CHGA: variants seen among roughly 807,000 people sequenced by gnomAD.
The protein encoded by CHGA is chromogranin A.
Under a neutral mutation model 54.4 loss-of-function variants are expected in CHGA, and 41 were observed. The ratio of observed to expected loss-of-function variants is 0.75; its 90% confidence interval spans 0.59 to 0.98. The LOEUF (loss-of-function observed/expected upper bound fraction) is 0.98. Among genes scored for constraint, CHGA ranks in the 50% least tolerant of loss-of-function variants. CHGA has a pLI of 0.00. For missense variants in CHGA, 576 were observed against 582.3 expected (o/e 0.99, Z 0.11); for synonymous variants, 249 against 232.8 (o/e 1.07, Z -0.63).
rs9658669 is a variant in CHGA at position 92,932,736 on chromosome 14, G to C, written c.1175G>C (p.Arg392Pro). Reference sequence around the variant, plus strand: ...AGGGGCCCTGGGCCGCAGCTGCGACGAGGCTGGAGGCCATCCTCCCGGGAG... The same window carrying C: ...AGGGGCCCTGGGCCGCAGCTGCGACCAGGCTGGAGGCCATCCTCCCGGGAG... ...GFRGPGPQLRRGWRPSSREDS... is the reference protein window; with the variant it reads ...GFRGPGPQLRPGWRPSSREDS... The change falls in exon 7 of 8, where the codon CGA (arginine) becomes CCA (proline). Residue 392 changes from arginine (R) to proline (P), a missense_variant. Arg to Pro is a moderately radical substitution (Grantham distance 103). Transcript: ENST00000216492. This position sits in a 1 kb window ranked among gnomAD's most constrained non-coding sequence, Gnocchi z 5.3. 2 of 1,609,838 alleles carry C rather than the reference G, an allele frequency of 1.2e-6. No homozygotes were observed. Among genetic ancestry groups the C allele is most frequent in the East Asian group, 2.2e-5 (1 of 44,806 alleles).
chr14:92,932,963 G>A lies in CHGA; in HGVS notation c.1290+112G>A, dbSNP rs1257227300. 14 of 1,410,164 alleles carry A rather than the reference G, an allele frequency of 9.9e-6. No individual in the cohort carries two copies. Among genetic ancestry groups the A allele is most frequent in the Admixed American group, 2.9e-5 (1 of 34,366 alleles). 87.4% of individuals were successfully genotyped at this position (1,410,164 alleles called of 1,614,324 possible). A position where few individuals can be genotyped will look rare whatever the true frequency, so the allele number is the denominator to read the frequency against. On this transcript the variant is annotated intron_variant, in intron 7 of 7. Coordinates refer to ENST00000216492, the MANE Select transcript of CHGA (RefSeq NM_001275.4). This position sits in a 1 kb window ranked among gnomAD's most constrained non-coding sequence, Gnocchi z 5.3. Reference sequence around the variant, plus strand: ...GAGGGGACAGGGCCCCCCCGCCGAAGTCTGGGGATGGAGAGATGCTCAGAC... The same window carrying A: ...GAGGGGACAGGGCCCCCCCGCCGAAATCTGGGGATGGAGAGATGCTCAGAC...
At chr14:92,924,330 C>T (rs1031151550) in intron 2 of CHGA, 85 bp downstream of exon 2, 27 of 1,375,152 alleles carry the variant, frequency 2.0e-5, no homozygotes, top group South Asian at 1.6e-4. Flanking sequence ...GGAGTAAGTT[C>T]GGCATAAAGC....
rs1167075453 is a variant in CHGA, at chr14:92,932,379, A to C, written c.818A>C (p.Glu273Ala). 12 of 1,583,004 alleles carry C rather than the reference A, an allele frequency of 7.6e-6. No homozygotes were observed. Among genetic ancestry groups the C allele is most frequent in the Non-Finnish European group, 9.4e-6 (11 of 1,165,256 alleles). Residue 273 changes from glutamate (E) to alanine (A), a missense_variant, in exon 7 of 8, where the codon GAG (glutamate) becomes GCG (alanine). By Grantham distance (107) the Glu-to-Ala change is moderately radical (BLOSUM62 -1). Transcript: ENST00000216492. The surrounding 1 kb of genome is among the most constrained non-coding windows in gnomAD (Gnocchi z 5.3). Reference protein sequence around the residue: ...KEIRKGESRSEALAVDGAGKP... With the variant: ...KEIRKGESRSAALAVDGAGKP... ...CCACCACCTGCTCCAGGTCGGTCGG[A>C]GGCTCTGGCTGTGGATGGAGCTGGG...
At chr14:92,924,480 A>G (rs922118516) in intron 2 of CHGA, among the ~76,000 whole-genome samples, 1 of 152,206 alleles carries the variant, frequency 6.6e-6, no homozygotes, top group Non-Finnish European at 1.5e-5. Flanking sequence ...AGAGGCCTGC[A>G]TCTTACCTGC....
At chr14:92,926,525 T>C (rs954280276) in intron 2 of CHGA, 80 bp from the exon 3 acceptor site, 3 of 1,195,644 alleles carry the variant, frequency 2.5e-6, no homozygotes, top group Non-Finnish European at 3.7e-6. Context: ...CTGTCCTCAC[T>C]AGAAATTCAC....
chr14:92,929,670 G>C, intron 4 of CHGA, 47 bp from the exon 5 acceptor site: 1 of 1,550,558 alleles, frequency 6.4e-7, no homozygotes, highest in Non-Finnish European at 8.9e-7. Context: ...AGACAAATAT[G>C]CCACAGCTGC....
rs140821122 is a variant in CHGA, at chr14:92,931,309, G to T, written c.415G>T (p.Ala139Ser). 172 of 1,613,710 alleles carry T rather than the reference G, an allele frequency of 1.1e-4. 1 individual carries two copies. In the East Asian group the frequency reaches 3.2e-3, roughly 30 times the overall value. Residue 139 changes from alanine to serine, a missense_variant, in exon 6 of 8, where the codon GCA becomes TCA. Ala to Ser is a moderately conservative substitution (Grantham distance 99). Transcript: ENST00000216492. ...VMEKREDSKE[A>S]EKSGEATDGA... ...GGAGAAAAGAGAGGATTCCAAGGAG[G>T]CAGAGAAAAGTGGTGAAGCCACAGA...
chr14:92,932,650 G>T lies in CHGA; in HGVS notation c.1089G>T (p.Glu363Asp), dbSNP rs1566675656. 2 of 1,599,242 alleles carry T rather than the reference G, an allele frequency of 1.3e-6. No individual in the cohort carries two copies. The highest frequency in any genetic ancestry group is 2.3e-5 in the East Asian group (1 of 44,356). Reference sequence around the variant, plus strand: ...AGAAGCGGCTGGAGGGGCAGGAGGAGGAGGAGGACAACCGGGACAGTTCCA... The same window carrying T: ...AGAAGCGGCTGGAGGGGCAGGAGGATGAGGAGGACAACCGGGACAGTTCCA... ...TAEKRLEGQE[E>D]EEDNRDSSMK... The change falls in exon 7 of 8, where the codon GAG (glutamate) becomes GAT (aspartate). Residue 363 changes from glutamate to aspartate, a missense_variant. Glu to Asp is a conservative substitution (Grantham distance 45). Coordinates refer to ENST00000216492, the MANE Select transcript of CHGA (RefSeq NM_001275.4). The surrounding 1 kb of genome is among the most constrained non-coding windows in gnomAD (Gnocchi z 5.3).
At chr14:92,930,204 C>A (rs999447010) in intron 5 of CHGA, among the ~76,000 whole-genome samples, 1 of 152,216 alleles carries the variant, frequency 6.6e-6, no homozygotes, top group Admixed American at 6.5e-5. Flanking sequence ...CTCAGAATAG[C>A]CAGGATGCAG....
At position 92,931,387 on chromosome 14, in the gene CHGA, G is replaced by A. The variant is rs769762955; in HGVS notation, c.493G>A (p.Gly165Arg). Residue 165 changes from glycine to arginine, a missense_variant, in exon 6 of 8, where the codon GGG (glycine) becomes AGG (arginine). Gly to Arg is a moderately radical substitution (Grantham distance 125, BLOSUM62 -2). Coordinates refer to ENST00000216492, the MANE Select transcript of CHGA (RefSeq NM_001275.4). ...GCCCATGCAGGAGTCCAAGGCTGAG[G>A]GGAACAATCAGGCCCCTGGGGAGGA... ...PEPMQESKAEGNNQAPGEEEE... is the reference protein window; with the variant it reads ...PEPMQESKAERNNQAPGEEEE... 1.2e-6 allele frequency: 2 copies of A among 1,612,942 alleles called. No homozygotes were observed. Among genetic ancestry groups the A allele is most frequent in the South Asian group, 2.2e-5 (2 of 90,902 alleles).
chr14:92,927,721 CCTTTT>C, intron 4 of CHGA, 103 bp downstream of exon 4: 1 of 917,016 alleles, frequency 1.1e-6, no homozygotes, highest in East Asian at 2.5e-5. Context: ...ACTGTCATTT[CCTTTT>C]AATTATAAAG....
Position 92,935,106 on chromosome 14 carries a change from A to C in CHGA, c.*222A>C. 1 of 506,414 alleles carries C rather than the reference A, an allele frequency of 2.0e-6. No individual in the cohort carries two copies. The highest frequency in any genetic ancestry group is 3.4e-6 in the Non-Finnish European group (1 of 291,412). 31.4% of individuals were successfully genotyped at this position (506,414 alleles called of 1,614,324 possible). ...TTTGCAGGGCAGCCCCACAACTTTA[A>C]ACATTGACGATTCCTTCTCTGAACA... On this transcript the variant is annotated 3_prime_UTR_variant, in exon 8 of 8. Transcript: ENST00000216492.
chr14:92,933,613 A>G (rs559428701), intron 7 of CHGA, among the ~76,000 whole-genome samples: 9 of 152,122 alleles, frequency 5.9e-5, no homozygotes, highest in Non-Finnish European at 1.2e-4. Context: ...GAAGGCTGAC[A>G]CCTGTCCGCA....
In CHGA at chr14:92,932,324, G is replaced by T; in HGVS notation, c.809-46G>T. The T allele has an allele frequency of 6.6e-7, 1 of 1,516,994 alleles. No individual in the cohort carries two copies. Among genetic ancestry groups the T allele is most frequent in the Non-Finnish European group, 8.9e-7 (1 of 1,129,648 alleles). The allele number at this position is 1,516,994 out of a possible 1,614,324, so 94.0% of individuals were successfully genotyped here. A position where few individuals can be genotyped will look rare whatever the true frequency, so the allele number is the denominator to read the frequency against. On this transcript the variant is annotated intron_variant, in intron 6 of 7. Transcript: ENST00000216492. The surrounding 1 kb of genome is among the most constrained non-coding windows in gnomAD (Gnocchi z 5.3). Reference sequence around the variant, plus strand: ...GGGAGTGGCAGAGACTGGGAAAATGGTGGTCCCCCACCCATTCTCCTGCTC... The same window carrying T: ...GGGAGTGGCAGAGACTGGGAAAATGTTGGTCCCCCACCCATTCTCCTGCTC...
At chr14:92,929,856 G>A in intron 5 of CHGA, 41 bp downstream of exon 5, 1 of 1,548,734 alleles carries the variant, frequency 6.5e-7, no homozygotes, top group Non-Finnish European at 8.9e-7. Context: ...GGAAGGGAGG[G>A]TGGCAGTGGG....
chr14:92,924,242 C>T lies in CHGA; in HGVS notation c.90C>T (p.Thr30=), dbSNP rs764506336. ...PVNSPMNKGD[T]EVMKCIVEVI... ...ACAGCCCTATGAATAAAGGGGATAC[C>T]GAGGTAAGAAGGGGTGCTGGGGATG... Residue 30 remains threonine (T), a synonymous_variant, in exon 2 of 8, where the codon ACC becomes ACT. Transcript: ENST00000216492. The T allele has an allele frequency of 3.7e-6, 6 of 1,611,808 alleles. No homozygotes were observed. The highest frequency in any genetic ancestry group is 5.1e-6 in the Non-Finnish European group (6 of 1,179,354).
intron 1 of CHGA, among the ~76,000 whole-genome samples, chr14:92,923,782 C>T (rs1203824654): frequency 6.6e-6 from 1 of 152,210 alleles, no homozygotes; most frequent in Non-Finnish European, 1.5e-5. Flanking sequence ...CTCACGCTCC[C>T]CGCCTTTCTG....
Position 92,932,619 on chromosome 14 carries a change from C to G in CHGA, c.1058C>G (p.Thr353Arg). 6.3e-7 allele frequency: 1 copy of G among 1,587,784 alleles called. No individual in the cohort carries two copies. Among genetic ancestry groups the G allele is most frequent in the Non-Finnish European group, 8.6e-7 (1 of 1,168,222 alleles). The change falls in exon 7 of 8, where the codon ACG (threonine) becomes AGG (arginine). Residue 353 changes from threonine (T) to arginine (R), a missense_variant. Coordinates refer to ENST00000216492, the MANE Select transcript of CHGA (RefSeq NM_001275.4). The surrounding 1 kb of genome is among the most constrained non-coding windows in gnomAD (Gnocchi z 5.3). The stretch of plus-strand genomic sequence containing the variant: ...ATGGACCAGCTGGCCAAGGAGCTGA[C>G]GGCTGAGAAGCGGCTGGAGGGGCAG... ...SKMDQLAKEL[T>R]AEKRLEGQEE...
intron 4 of CHGA, 97 bp downstream of exon 4, chr14:92,927,715 T>C: frequency 3.2e-6 from 3 of 951,500 alleles, no homozygotes; most frequent in Non-Finnish European, 4.9e-6. Flanking sequence ...TCTGGGACTG[T>C]CATTTCCTTT....
Sources: gnomAD v4.1 joint callset for allele counts (sites outside exome capture counted in the v4.1 genomes callset) on GRCh38, gnomAD v4.1.1 for gene constraint, Gnocchi (gnomAD v3.1) non-coding constraint, MANE v1.5 for transcripts, NCBI Gene and HGNC (gene_info 2026-07-23, HGNC 2026-07-21) for gene names.